The following TLL1 variants were observed in gnomAD, a reference collection of about 807,000 sequenced individuals.
TLL1 encodes tolloid-like protein 1.
Under a neutral mutation model 128.2 loss-of-function variants are expected in TLL1, and 49 were observed. The ratio of observed to expected loss-of-function variants is 0.38; its 90% CI spans 0.30 to 0.48. The LOEUF is 0.48. TLL1 is among the 20% of genes least tolerant of loss of function. The probability of loss-of-function intolerance (pLI) is 0.96; values close to 1 mark genes in which losing one functional copy is unlikely to be tolerated. For missense variants in TLL1, 1,123 were observed against 1,242.0 expected (o/e 0.90, Z 1.44); for synonymous variants, 454 against 418.8 (o/e 1.08, Z -1.03).
intron 1 of TLL1, among the ~76,000 whole-genome samples, chr4:165,887,633 T>C (rs1731220901): frequency 6.6e-6 from 1 of 152,176 alleles, no homozygotes; most frequent in Admixed American, 6.5e-5. Context: ...TTGTTGTTTT[T>C]CAGGCGTATA....
intron 12 of TLL1, among the ~76,000 whole-genome samples, chr4:166,052,965 G>GTGTGTGTGTGTGTATATATA: frequency 7.0e-5 from 7 of 99,642 alleles, no homozygotes; most frequent in African/African-American, 2.3e-4. Context: ...GAGGTTATGT[G>GTGTGTGTGTGTGTATATATA]TATATATATA....
At chr4:166,016,930 CT>C (rs1411169323) in intron 8 of TLL1, among the ~76,000 whole-genome samples, 2 of 151,550 alleles carry the variant, frequency 1.3e-5, no homozygotes, top group East Asian at 1.9e-4. Flanking sequence ...CTATCTTGGC[CT>C]TTTTTTAAAC....
At chr4:166,012,959 A>G (rs928675592) in intron 7 of TLL1, among the ~76,000 whole-genome samples, 1 of 151,752 alleles carries the variant, frequency 6.6e-6, no homozygotes, top group Non-Finnish European at 1.5e-5. Flanking sequence ...TCCTCTGCTT[A>G]CCATTTTCCT....
intron 1 of TLL1, among the ~76,000 whole-genome samples, chr4:165,911,910 C>G (rs982976557): frequency 3.9e-5 from 6 of 152,120 alleles, no homozygotes; most frequent in Non-Finnish European, 7.4e-5. Context: ...GAGTCTCGCT[C>G]TGTCGCCTAG....
intron 1 of TLL1, among the ~76,000 whole-genome samples, chr4:165,943,629 TTG>T (rs571438129): frequency 7.9e-5 from 12 of 152,134 alleles, no homozygotes; most frequent in Non-Finnish European, 1.6e-4. Context: ...TATTTGGAAA[TTG>T]TTTCCTATCG....
chr4:165,914,022 C>CAAA lies in TLL1; in HGVS notation c.169+39958_169+39960dup, dbSNP rs113774671. Among the ~76,000 whole-genome samples the CAAA allele has an allele frequency of 1.5e-4, 21 of 140,628 alleles. 1 individual carries two copies. The highest frequency in any genetic ancestry group is 8.3e-4 in the East Asian group (4 of 4,826). The allele number at this position is 140,628 out of a possible 152,430, so 92.3% of individuals were successfully genotyped here. A position where few individuals can be genotyped will look rare whatever the true frequency, so the allele number is the denominator to read the frequency against. On this transcript the variant is annotated intron_variant, in intron 1 of 20. Transcript: ENST00000061240. ...GGGTGACAGAGTGAGACCTTGTCTC[C>CAAA]AAAAAAAAAAAGAGAAAGCAATGTA...
At chr4:166,061,568 T>C (rs74903925) in intron 15 of TLL1, among the ~76,000 whole-genome samples, 2,313 of 152,160 alleles carry the variant, frequency 0.015, 62 homozygotes, top group African/African-American at 0.053. Flanking sequence ...TTACTTTTTT[T>C]CCTCTTAATT....
At chr4:165,957,528 G>A (rs779165861) in intron 1 of TLL1, among the ~76,000 whole-genome samples, 30 of 151,246 alleles carry the variant, frequency 2.0e-4, no homozygotes, top group Non-Finnish European at 3.2e-4. Flanking sequence ...TTTTCCATAA[G>A]TTATTGGGGT....
rs781361482 is a variant in TLL1 at position 166,065,793 on chromosome 4, C to T, written c.2118C>T (p.Asn706=). The change falls in exon 16 of 21, where the codon AAC becomes AAT. Residue 706 remains asparagine, a synonymous_variant. Transcript: ENST00000061240. ...EVPEVITSQF[N]NMRIEFKSDN... The stretch of plus-strand genomic sequence containing the variant: ...CTGAAGTGATCACATCCCAGTTCAA[C>T]AATATGAGAATTGAATTCAAATCTG... 1.3e-5 allele frequency: 21 copies of T among 1,612,828 alleles called. No individual in the cohort carries two copies. In the African/African-American group the frequency reaches 2.5e-4, roughly 20 times the overall value.
chr4:166,024,433 A>C (rs1738395793), intron 8 of TLL1, among the ~76,000 whole-genome samples: 1 of 152,138 alleles, frequency 6.6e-6, no homozygotes, highest in African/African-American at 2.4e-5. Flanking sequence ...TGTTCTTTCA[A>C]ATTGTTGAGT....
intron 18 of TLL1, among the ~76,000 whole-genome samples, chr4:166,086,209 C>T (rs1741504786): frequency 6.6e-6 from 1 of 151,998 alleles, no homozygotes; most frequent in Non-Finnish European, 1.5e-5. Flanking sequence ...ATATATATTA[C>T]TGTACATTAA....
intron 1 of TLL1, among the ~76,000 whole-genome samples, chr4:165,882,041 G>A (rs767003945): frequency 3.3e-5 from 5 of 152,200 alleles, no homozygotes; most frequent in Non-Finnish European, 7.3e-5. Flanking sequence ...TGTACACTAT[G>A]TATGTAAATT....
intron 8 of TLL1, among the ~76,000 whole-genome samples, 178 bp downstream of exon 8, chr4:166,014,738 T>A (rs45578631): frequency 0.12 from 18,822 of 151,934 alleles, 1,170 homozygotes; most frequent in Non-Finnish European, 0.13. Flanking sequence ...ACCTAATTGC[T>A]GTAAATAAAA....
At chr4:165,909,211 C>T (rs373294369) in intron 1 of TLL1, among the ~76,000 whole-genome samples, 21 of 151,848 alleles carry the variant, frequency 1.4e-4, no homozygotes, top group South Asian at 4.2e-4. Context: ...AAGAAAAGAA[C>T]GGCTCCAAAG....
chr4:166,020,178 C>T (rs911520503), intron 8 of TLL1, among the ~76,000 whole-genome samples: 9 of 152,006 alleles, frequency 5.9e-5, no homozygotes, highest in African/African-American at 7.3e-5. Flanking sequence ...TAGAGCTGCT[C>T]GACATTGGGG....
chr4:166,063,010 A>C (rs1471207390), intron 15 of TLL1, among the ~76,000 whole-genome samples: 2 of 152,122 alleles, frequency 1.3e-5, no homozygotes, highest in East Asian at 1.9e-4. Context: ...TGTTTATATG[A>C]TGGATTACAT....
chr4:165,968,328 C>T (rs1429505682), intron 1 of TLL1, among the ~76,000 whole-genome samples: 3 of 152,102 alleles, frequency 2.0e-5, no homozygotes, highest in Non-Finnish European at 4.4e-5. Flanking sequence ...TAAAGGACTG[C>T]CATTCTTGTA....
chr4:165,893,170 G>A (rs987333710), intron 1 of TLL1, among the ~76,000 whole-genome samples: 1 of 152,134 alleles, frequency 6.6e-6, no homozygotes, highest in Non-Finnish European at 1.5e-5. Context: ...CTTGATATAG[G>A]ACTACATAAA....
intron 12 of TLL1, chr4:166,044,331 G>A (rs1233947752): frequency 6.5e-7 from 1 of 1,531,284 alleles, no homozygotes. Flanking sequence ...TGAGGGCAGT[G>A]ACCGTGGTCA....
Sources: gnomAD v4.1 joint callset for allele counts (sites outside exome capture counted in the v4.1 genomes callset) on GRCh38, gnomAD v4.1.1 for gene constraint, MANE v1.5 for transcripts, NCBI Gene and HGNC (gene_info 2026-07-23, HGNC 2026-07-21) for gene names.